LRRC18: variants seen among roughly 807,000 people sequenced by gnomAD.
LRRC18 encodes the protein leucine-rich repeat-containing protein 18.
A neutral mutation model predicts 11.2 loss-of-function variants in LRRC18; 12 were observed. The observed-to-expected ratio is 1.07, with a 90% CI of 0.69 to 1.74. The LOEUF (loss-of-function observed/expected upper bound fraction) is 1.74, where lower values mean the gene tolerates loss of function less well. LRRC18 is among the 40% of genes most tolerant of loss of function. The probability of loss-of-function intolerance (pLI) is 0.00; values close to 1 mark genes in which losing one functional copy is unlikely to be tolerated. For synonymous variants in LRRC18, 155 were observed against 130.6 expected, an observed-to-expected ratio of 1.19 and a Z score of -1.27; for missense variants, 374 against 330.5, an observed-to-expected ratio of 1.13 and a Z score of -1.02.
the LRRC18 span, among the ~76,000 whole-genome samples, chr10:48,939,607 C>A: frequency 1.3e-5 from 2 of 152,314 alleles, no homozygotes; most frequent in African/African-American, 2.4e-5. Context: ...ATGGATGATG[C>A]GGTTTATTAA....
chr10:48,927,062 A>T, the LRRC18 span, among the ~76,000 whole-genome samples: 2,506 of 152,338 alleles, frequency 0.016, 40 homozygotes, highest in African/African-American at 0.02. Flanking sequence ...GGAGAGCTGC[A>T]GGCTGCTGTA....
upstream of LRRC18, among the ~76,000 whole-genome samples, chr10:48,917,668 G>C (rs1244633519): frequency 6.6e-6 from 1 of 152,110 alleles, no homozygotes; most frequent in Non-Finnish European, 1.5e-5. Context: ...GCAAAATAAA[G>C]ACATTATCAG....
In LRRC18 at chr10:48,910,339, C is replaced by A. The variant is rs375370049; in HGVS notation, c.765-81G>T. 56 of 1,239,024 alleles carry A rather than the reference C, an allele frequency of 4.5e-5. No individual in the cohort carries two copies. The African/African-American group carries it at 6.8e-4, about 15-fold the overall frequency. 76.8% of individuals were successfully genotyped at this position (1,239,024 alleles called of 1,614,324 possible). On this transcript the variant is annotated intron_variant, in intron 1 of 1. Transcript: ENST00000374160. ...ACAGCAAGGGCAGAGGTCACACCAG[C>A]TCACCAAGGTCATGCCTGACCTTCA...
At chr10:48,930,107 T>C in the LRRC18 span, among the ~76,000 whole-genome samples, 1 of 152,132 alleles carries the variant, frequency 6.6e-6, no homozygotes, top group Non-Finnish European at 1.5e-5. Flanking sequence ...CCTTGGTCAA[T>C]ACTAGTTTAA....
Position 48,913,366 on chromosome 10 carries a change from T to C in LRRC18, c.764+26A>G, listed in dbSNP as rs761131430. On this transcript the variant is annotated intron_variant, in intron 1 of 1. Transcript: ENST00000374160. ...CTTCCCTCCCTCTCTCTTTCCCTTC[T>C]GCCTCAGGGTCAGGTTCCAAGTCAC... The C allele has an allele frequency of 4.4e-6, 7 of 1,596,416 alleles. No homozygotes were observed. The East Asian group carries it at 1.6e-4, about 36-fold the overall frequency.
chr10:48,919,467 T>C, the LRRC18 span, among the ~76,000 whole-genome samples: 1 of 152,234 alleles, frequency 6.6e-6, no homozygotes, highest in Non-Finnish European at 1.5e-5. Context: ...TAAAGAAGAC[T>C]GTCTTGGTCC....
the LRRC18 span, among the ~76,000 whole-genome samples, chr10:48,920,586 C>G: frequency 6.6e-6 from 1 of 152,132 alleles, no homozygotes; most frequent in Non-Finnish European, 1.5e-5. Context: ...ACAGAAGGTT[C>G]TTCTCTGAAG....
chr10:48,914,169 G>A, exon 1 of LRRC18: 5 of 1,607,072 alleles, frequency 3.1e-6, no homozygotes, highest in East Asian at 2.2e-5. Context: ...CTTTTAGTAA[G>A]GGAGTGTTAG....
At chr10:48,920,133 A>AG in the LRRC18 span, among the ~76,000 whole-genome samples, 1 of 150,872 alleles carries the variant, frequency 6.6e-6, no homozygotes, top group African/African-American at 2.4e-5. Context: ...GAAAAAAAAA[A>AG]GATCTTATAA....
chr10:48,914,303 T>A (rs191475672), upstream of LRRC18: 166 of 840,308 alleles, frequency 2.0e-4, no homozygotes, highest in African/African-American at 2.6e-3. Flanking sequence ...GTCATGACGC[T>A]TTGCTCTTCA....
intron 1 of LRRC18, among the ~76,000 whole-genome samples, chr10:48,912,276 C>A (rs975474550): frequency 2.6e-5 from 4 of 152,236 alleles, no homozygotes; most frequent in African/African-American, 9.6e-5. Flanking sequence ...TGGAAGAAAA[C>A]TGGCTTCTGC....
chr10:48,922,109 C>A, the LRRC18 span, among the ~76,000 whole-genome samples: 1 of 152,132 alleles, frequency 6.6e-6, no homozygotes, highest in Non-Finnish European at 1.5e-5. Flanking sequence ...ACAGTAGTCC[C>A]CCTTATCTGC....
the LRRC18 span, among the ~76,000 whole-genome samples, chr10:48,928,071 C>T: frequency 3.3e-5 from 5 of 152,166 alleles, no homozygotes; most frequent in African/African-American, 7.2e-5. Context: ...GTGTTTTAAG[C>T]GCTGCTATTG....
At chr10:48,937,506 C>T in the LRRC18 span, among the ~76,000 whole-genome samples, 4 of 152,186 alleles carry the variant, frequency 2.6e-5, no homozygotes, top group African/African-American at 9.7e-5. Flanking sequence ...TTTCACCTCC[C>T]TGGCCTGTAC....
chr10:48,932,409 A>G, the LRRC18 span: 2 of 152,218 alleles, frequency 1.3e-5, no homozygotes, highest in Non-Finnish European at 2.9e-5. Context: ...CAAATTATTA[A>G]TACTAACATT....
the LRRC18 span, among the ~76,000 whole-genome samples, chr10:48,939,334 G>A: frequency 5.6e-4 from 85 of 152,332 alleles, no homozygotes; most frequent in African/African-American, 1.9e-3. Flanking sequence ...CAGACCCATG[G>A]TCTCACTGGC....
At chr10:48,913,316 TCCTGTGGAGGTAGCCCACTGC>T in intron 1 of LRRC18, 55 bp downstream of exon 3, 3 of 1,402,758 alleles carry the variant, frequency 2.1e-6, no homozygotes, top group Middle Eastern at 4.1e-4. Flanking sequence ...GCCCTTGGTT[TCCTGTGGAGGTAGCCCACTGC>T]CCTCTTCCCT....
At chr10:48,936,364 AC>A in the LRRC18 span, among the ~76,000 whole-genome samples, 1 of 152,164 alleles carries the variant, frequency 6.6e-6, no homozygotes, top group Non-Finnish European at 1.5e-5. Flanking sequence ...ATTAAAAATT[AC>A]CTCAAATTCT....
chr10:48,914,348 G>T, upstream of LRRC18: 2 of 625,936 alleles, frequency 3.2e-6, no homozygotes, highest in East Asian at 2.8e-5. Context: ...ATTGCGGAGA[G>T]AAGTCAGGGC....
Sources: allele counts gnomAD v4.1 joint callset (sites outside exome capture counted in the v4.1 genomes callset), GRCh38; gene constraint gnomAD v4.1.1; transcripts MANE v1.5; gene names NCBI Gene and HGNC (gene_info 2026-07-23, HGNC 2026-07-21).